The following WNK2 variants were observed in gnomAD, a reference collection of about 807,000 sequenced individuals.
The protein encoded by WNK2 is WNK lysine deficient protein kinase 2, also known as serine/threonine-protein kinase WNK2.
A neutral mutation model predicts 192.1 loss-of-function variants in WNK2; 67 were observed. The observed-to-expected ratio is 0.35, with a 90% CI of 0.29 to 0.43. The LOEUF is 0.43. Among genes scored for constraint, WNK2 ranks in the 20% least tolerant of loss-of-function variants. The pLI, the probability that WNK2 is intolerant of heterozygous loss-of-function variation, is 1.00. For synonymous variants in WNK2, 1,439 were observed against 1,393.9 expected, an observed-to-expected ratio of 1.03 and a Z score of -0.72; for missense variants, 2,698 against 3,089.7, an observed-to-expected ratio of 0.87 and a Z score of 3.01.
chr9:93,299,400 A>T lies in WNK2; in HGVS notation c.6115+139A>T, dbSNP rs557437212. 45 of 306,702 alleles carry T rather than the reference A, an allele frequency of 1.5e-4. No individual in the cohort carries two copies. In the South Asian group the frequency reaches 3.3e-3, roughly 22 times the overall value. 19.0% of individuals were successfully genotyped at this position (306,702 alleles called of 1,614,324 possible). A position where few individuals can be genotyped will look rare whatever the true frequency, so the allele number is the denominator to read the frequency against. On this transcript the variant is annotated intron_variant, in intron 25 of 29. Transcript: ENST00000427277. ...TTGAGAGGCTTCTTTTAAAAAGGAT[A>T]AAAAAAAAAAGGTGTAGTCTTTGGA...
intron 14 of WNK2, among the ~76,000 whole-genome samples, 168 bp downstream of exon 14, chr9:93,262,887 C>T (rs915841080): frequency 2.0e-5 from 3 of 152,250 alleles, no homozygotes; most frequent in Non-Finnish European, 2.9e-5. Flanking sequence ...GCCCTCCTCT[C>T]TGGGTCTTGC....
chr9:93,268,643 G>A lies in WNK2; in HGVS notation c.3930G>A (p.Lys1310=). 6.2e-7 allele frequency: 1 copy of A among 1,613,262 alleles called. No homozygotes were observed. Among genetic ancestry groups the A allele is most frequent in the Non-Finnish European group, 8.5e-7 (1 of 1,179,734 alleles). The change falls in exon 19 of 30, where the codon AAG becomes AAA. Residue 1310 remains lysine, a synonymous_variant. Coordinates refer to ENST00000427277, the MANE Select transcript of WNK2 (RefSeq NM_006648.4). Reference sequence around the variant, plus strand: ...GCCCTTCAGTCCTGCACACCGGGAAGAGGTGGTTCATCATCTGTCCGGTGG... The same window carrying A: ...GCCCTTCAGTCCTGCACACCGGGAAAAGGTGGTTCATCATCTGTCCGGTGG... The part of the protein sequence containing the change: ...VYQQNVLHTG[K]RWFIICPVAE...
At chr9:93,306,112 A>G (rs1852483187) in intron 26 of WNK2, among the ~76,000 whole-genome samples, 1 of 152,170 alleles carries the variant, frequency 6.6e-6, no homozygotes, top group Non-Finnish European at 1.5e-5. Context: ...GAGGCCAGAA[A>G]TGTTCCAGGC....
Position 93,262,651 on chromosome 9 carries a change from C to G in WNK2, c.3361-19C>G, listed in dbSNP as rs1288691124. On this transcript the variant is annotated intron_variant, in intron 13 of 29. Coordinates refer to ENST00000427277, the MANE Select transcript of WNK2 (RefSeq NM_006648.4). The stretch of plus-strand genomic sequence containing the variant: ...GAGTCCGCATGACCTGTTCTCTTTT[C>G]TCCGGGTGTTTATTTCAGGAGCAGG... 2 of 1,612,668 alleles carry G rather than the reference C, an allele frequency of 1.2e-6. No individual in the cohort carries two copies.
chr9:93,286,598 T>C (rs985836100), intron 19 of WNK2, among the ~76,000 whole-genome samples: 2 of 152,160 alleles, frequency 1.3e-5, no homozygotes, highest in African/African-American at 4.8e-5. Flanking sequence ...TGGAAAACAA[T>C]GTGGACCTTC....
chr9:93,317,264 T>G, intron 28 of WNK2: 2 of 569,416 alleles, frequency 3.5e-6, no homozygotes, highest in Non-Finnish European at 3.2e-6. Flanking sequence ...CCAAGTCCCA[T>G]TTTGGCTGGT....
chr9:93,205,785 C>T (rs1833261975), intron 2 of WNK2, among the ~76,000 whole-genome samples: 1 of 152,332 alleles, frequency 6.6e-6, no homozygotes, highest in South Asian at 2.1e-4. Context: ...GGCCTTTCTT[C>T]GTGGCCCCTT....
chr9:93,219,067 C>G (rs1220029894), intron 2 of WNK2, among the ~76,000 whole-genome samples: 2 of 152,230 alleles, frequency 1.3e-5, no homozygotes. Context: ...CTCAGCTGCC[C>G]GTGTTAAGCC....
rs1158675786 is a variant in WNK2, at chr9:93,263,327, A to G, written c.3411-239A>G. 1.0e-5 allele frequency: 6 copies of G among 576,312 alleles called. No homozygotes were observed. In the African/African-American group the frequency reaches 1.1e-4, roughly 11 times the overall value. 35.7% of individuals were successfully genotyped at this position (576,312 alleles called of 1,614,324 possible). A position where few individuals can be genotyped will look rare whatever the true frequency, so the allele number is the denominator to read the frequency against. On this transcript the variant is annotated intron_variant, in intron 14 of 29. Coordinates refer to ENST00000427277, the MANE Select transcript of WNK2 (RefSeq NM_006648.4). ...GTCAGGAGACTGAGAGGATCAAGGT[A>G]ACGCAGCTAGTAGCTAGGAAGCCTG...
In WNK2 at chr9:93,229,956, TG is replaced by T; in HGVS notation, c.854+90del. On this transcript the variant is annotated intron_variant, in intron 3 of 29. Coordinates refer to ENST00000427277, the MANE Select transcript of WNK2 (RefSeq NM_006648.4). The surrounding 1 kb of genome is among the most constrained non-coding windows in gnomAD (Gnocchi z 4.9). ...AGGGTGAGGTCTTGGGCTGCTGGGG[TG>T]GTCCTGGCTGGTGCCTGTGGGAGGC... 6.8e-7 allele frequency: 1 copy of T among 1,481,260 alleles called. No homozygotes were observed. The highest frequency in any genetic ancestry group is 1.4e-5 in the African/African-American group (1 of 71,654). 91.8% of individuals were successfully genotyped at this position (1,481,260 alleles called of 1,614,324 possible). A position where few individuals can be genotyped will look rare whatever the true frequency, so the allele number is the denominator to read the frequency against.
At chr9:93,189,792 C>CTG (rs1829997938) in intron 2 of WNK2, among the ~76,000 whole-genome samples, 3 of 152,234 alleles carry the variant, frequency 2.0e-5, no homozygotes, top group Non-Finnish European at 4.4e-5. Context: ...CAGCCTTAGG[C>CTG]CAGGGTTTGG....
intron 28 of WNK2, among the ~76,000 whole-genome samples, chr9:93,314,755 G>A (rs918249165): frequency 1.3e-5 from 2 of 152,094 alleles, no homozygotes; most frequent in Non-Finnish European, 1.5e-5. Flanking sequence ...AGAAGTCAGA[G>A]GGAGCCAAAT....
chr9:93,288,823 G>A lies in WNK2; in HGVS notation c.4069G>A (p.Glu1357Lys), dbSNP rs1473719076. The A allele has an allele frequency of 1.2e-6, 2 of 1,612,196 alleles. No individual in the cohort carries two copies. Among genetic ancestry groups the A allele is most frequent in the Non-Finnish European group, 1.7e-6 (2 of 1,179,632 alleles). Residue 1357 changes from glutamate to lysine, a missense_variant, in exon 20 of 30, where the codon GAA becomes AAA. Physicochemically the swap from Glu to Lys is moderately conservative, Grantham distance 56. Coordinates refer to ENST00000427277, the MANE Select transcript of WNK2 (RefSeq NM_006648.4). ...CTATAAAGACCAGCTGTCCTCGAAG[G>A]AACAACCCAGCTTTCTAGCCAGTCA... ...APYKDQLSSKEQPSFLASQQL... is the reference protein window; with the variant it reads ...APYKDQLSSKKQPSFLASQQL...
chr9:93,238,455 A>G, intron 6 of WNK2, 134 bp downstream of exon 6: 1 of 817,656 alleles, frequency 1.2e-6, no homozygotes, highest in South Asian at 1.6e-5. Flanking sequence ...GGGGCACGTT[A>G]GCAGGGGCTG....
intron 2 of WNK2, among the ~76,000 whole-genome samples, chr9:93,187,249 A>T (rs1829509330): frequency 6.6e-6 from 1 of 152,114 alleles, no homozygotes; most frequent in Non-Finnish European, 1.5e-5. Flanking sequence ...CCTTTAAGGA[A>T]ACGCAGGCGA....
At position 93,280,968 on chromosome 9, in the gene WNK2, C is replaced by G. The variant is rs1410750798; in HGVS notation, c.4034-7820C>G. ...AGAATAATTATGCTGAATGAAAAGACACAAGGAAGAATGCTTGCCATGTGA... is the reference window on the plus strand; with the variant it reads ...AGAATAATTATGCTGAATGAAAAGAGACAAGGAAGAATGCTTGCCATGTGA... On this transcript the variant is annotated intron_variant, in intron 19 of 29. Transcript: ENST00000427277. Among the ~76,000 whole-genome samples the G allele has an allele frequency of 2.0e-5, 3 of 152,284 alleles. No homozygotes were observed. The East Asian group carries it at 5.8e-4, about 29-fold the overall frequency.
chr9:93,264,915 G>A (rs572771385), intron 16 of WNK2, among the ~76,000 whole-genome samples: 20 of 152,232 alleles, frequency 1.3e-4, no homozygotes, highest in Non-Finnish European at 2.6e-4. Context: ...CTGCTGCATT[G>A]CACATCATCA....
chr9:93,291,217 G>A (rs1016360824), intron 21 of WNK2, among the ~76,000 whole-genome samples: 4 of 152,152 alleles, frequency 2.6e-5, no homozygotes, highest in Non-Finnish European at 2.9e-5. Context: ...GACCACGCTG[G>A]GCTGCCTGTG....
At position 93,229,664 on chromosome 9, in the gene WNK2, C is replaced by G; in HGVS notation, c.682-32C>G. 8 of 1,601,372 alleles carry G rather than the reference C, an allele frequency of 5.0e-6. No individual in the cohort carries two copies. Among genetic ancestry groups the G allele is most frequent in the South Asian group, 4.5e-5 (4 of 89,852 alleles). ...CCGTGTCCCCTTCTGTGTCCCATCT[C>G]TTGCCCACTTAGCATGTCTCTTGCC... On this transcript the variant is annotated intron_variant, in intron 2 of 29. Coordinates refer to ENST00000427277, the MANE Select transcript of WNK2 (RefSeq NM_006648.4). This position sits in a 1 kb window ranked among gnomAD's most constrained non-coding sequence, Gnocchi z 4.9.
Sources: allele counts gnomAD v4.1 joint callset (sites outside exome capture counted in the v4.1 genomes callset), GRCh38; gene constraint gnomAD v4.1.1; non-coding constraint Gnocchi (gnomAD v3.1); transcripts MANE v1.5; gene names NCBI Gene and HGNC (gene_info 2026-07-23, HGNC 2026-07-21).